The following GUCY2C variants were observed in gnomAD, a reference collection of about 807,000 sequenced individuals.
The protein encoded by GUCY2C is guanylyl cyclase C.
GUCY2C carries 118 observed loss-of-function variants against 131.1 expected under a neutral mutation model. The observed-to-expected ratio is 0.90, with a 90% CI of 0.78 to 1.05. The LOEUF (loss-of-function observed/expected upper bound fraction) is 1.05. Ranked by LOEUF, GUCY2C falls within the 50% of genes least tolerant of loss-of-function variation. The pLI is 0.00. For missense variants in GUCY2C, 1,161 were observed against 1,304.4 expected, an observed-to-expected ratio of 0.89 and a Z score of 1.69; for synonymous variants, 452 against 457.8, an observed-to-expected ratio of 0.99 and a Z score of 0.16.
intron 12 of GUCY2C, 66 bp downstream of exon 12, chr12:14,656,446 C>A (rs533500858): frequency 1.2e-4 from 96 of 774,632 alleles, no homozygotes; most frequent in South Asian, 1.1e-3. Flanking sequence ...TCCTGCAATG[C>A]TACTTAAGTC....
chr12:14,675,246 G>GAA (rs71438324), intron 7 of GUCY2C, among the ~76,000 whole-genome samples: 2 of 102,432 alleles, frequency 2.0e-5, no homozygotes, highest in Non-Finnish European at 4.1e-5. Flanking sequence ...AAGAAAGAAA[G>GAA]AAAGAAAAAA....
At chr12:14,639,750 A>G in intron 19 of GUCY2C, 112 bp downstream of exon 19, 1 of 695,580 alleles carries the variant, frequency 1.4e-6, no homozygotes. Context: ...ACTTGATTTC[A>G]GACTTCTAGT....
intron 23 of GUCY2C, among the ~76,000 whole-genome samples, chr12:14,620,279 G>A (rs113695608): frequency 1.3e-5 from 2 of 152,320 alleles, no homozygotes; most frequent in African/African-American, 4.8e-5. Context: ...AATCGCAGTA[G>A]CTGAGCTTCA....
chr12:14,617,614 T>G (rs993561858), intron 24 of GUCY2C, among the ~76,000 whole-genome samples: 2 of 152,186 alleles, frequency 1.3e-5, no homozygotes, highest in Non-Finnish European at 2.9e-5. Flanking sequence ...ACAAAAGAAG[T>G]GGTGAGGGCA....
intron 21 of GUCY2C, among the ~76,000 whole-genome samples, chr12:14,623,312 T>C (rs1946932065): frequency 6.6e-6 from 1 of 152,144 alleles, no homozygotes; most frequent in African/African-American, 2.4e-5. Flanking sequence ...AGGTGGGCTC[T>C]CCCGGAAAGA....
intron 14 of GUCY2C, 27 bp from the exon 15 acceptor site, chr12:14,651,538 C>T: frequency 8.1e-7 from 1 of 1,234,448 alleles, no homozygotes; most frequent in Non-Finnish European, 1.2e-6. Context: ...GTTTACAAAG[C>T]AAATTAGGCA....
intron 1 of GUCY2C, among the ~76,000 whole-genome samples, chr12:14,691,307 G>T (rs1239391740): frequency 1.3e-5 from 2 of 152,210 alleles, no homozygotes; most frequent in Non-Finnish European, 2.9e-5. Flanking sequence ...GAGAAGTGGG[G>T]AGTGATGGGT....
At position 14,625,895 on chromosome 12, in the gene GUCY2C, T is replaced by A; in HGVS notation, c.2270A>T (p.Asn757Ile). Reference protein sequence around the residue: ...KIFGLFHDQKNESYMDTLIRR... With the variant: ...KIFGLFHDQKIESYMDTLIRR... ...GATCAAGGTATCCATATAGCTTTCA[T>A]TTTTTTGGTCATGAAAAAGTCTGTA... The change falls in exon 21 of 27, where the codon AAT becomes ATT. Residue 757 changes from asparagine (N) to isoleucine (I), a missense_variant. Transcript: ENST00000261170. 6.2e-7 allele frequency: 1 copy of A among 1,610,516 alleles called. No homozygotes were observed. Among genetic ancestry groups the A allele is most frequent in the South Asian group, 1.1e-5 (1 of 90,916 alleles).
intron 21 of GUCY2C, among the ~76,000 whole-genome samples, chr12:14,624,751 C>T (rs961612696): frequency 3.9e-5 from 6 of 152,078 alleles, no homozygotes; most frequent in African/African-American, 1.4e-4. Context: ...TTTGGAAATC[C>T]AATAAAAACA....
chr12:14,674,878 G>A lies in GUCY2C; in HGVS notation c.949-118C>T, dbSNP rs1417074372. ...CTGGAAAGTTAAAGGGATATCAGGG[G>A]AATTGAAGGGATGTTATTAAAGGAG... On this transcript the variant is annotated intron_variant, in intron 7 of 26. Coordinates refer to ENST00000261170, the MANE Select transcript of GUCY2C (RefSeq NM_004963.4). 3 of 728,498 alleles carry A rather than the reference G, an allele frequency of 4.1e-6. No homozygotes were observed. The East Asian group carries it at 7.6e-5, about 19-fold the overall frequency. The allele number at this position is 728,498 out of a possible 1,614,324, so 45.1% of individuals were successfully genotyped here.
chr12:14,650,341 T>C (rs1947621854), intron 15 of GUCY2C, among the ~76,000 whole-genome samples: 1 of 152,080 alleles, frequency 6.6e-6, no homozygotes, highest in South Asian at 2.1e-4. Flanking sequence ...TCTGACTCCC[T>C]GGTTCAAAGG....
chr12:14,692,188 A>G (rs973521765), intron 1 of GUCY2C, among the ~76,000 whole-genome samples: 26 of 151,350 alleles, frequency 1.7e-4, no homozygotes, highest in African/African-American at 6.1e-4. Context: ...ATTTTTTTCT[A>G]CTCTCCTTCT....
At position 14,694,615 on chromosome 12, in the gene GUCY2C, G is replaced by A. The variant is rs187570105; in HGVS notation, c.217+1617C>T. On this transcript the variant is annotated intron_variant, in intron 1 of 26. Transcript: ENST00000261170. ...ACCACACTGCCTCGGTAAATAAGGG[G>A]ACTTCACTAAATAACCTCCTTGTTC... Among the ~76,000 whole-genome samples, 558 of 152,258 alleles carry A rather than the reference G, an allele frequency of 3.7e-3. 2 individuals are homozygous for A. Among genetic ancestry groups the A allele is most frequent in the Non-Finnish European group, 6.6e-3 (446 of 68,012 alleles).
chr12:14,647,825 A>G lies in GUCY2C; in HGVS notation c.1711-2510T>C, dbSNP rs532555444. On this transcript the variant is annotated intron_variant, in intron 15 of 26. Coordinates refer to ENST00000261170, the MANE Select transcript of GUCY2C (RefSeq NM_004963.4). ...TTTGGCTAATATATATGATATATAC[A>G]TTATATATGTAAATTATTTTCTATA... Among the ~76,000 whole-genome samples, 6 of 152,068 alleles carry G rather than the reference A, an allele frequency of 3.9e-5. No homozygotes were observed. In the South Asian group the frequency reaches 1.0e-3, roughly 26 times the overall value.
chr12:14,643,180 C>G (rs905965363), intron 17 of GUCY2C, among the ~76,000 whole-genome samples: 6 of 152,190 alleles, frequency 3.9e-5, no homozygotes, highest in African/African-American at 1.4e-4. Context: ...AATGGGTCTT[C>G]TGGTTTGTAC....
At chr12:14,685,802 C>T (rs1412223344) in intron 3 of GUCY2C, among the ~76,000 whole-genome samples, 1 of 152,158 alleles carries the variant, frequency 6.6e-6, no homozygotes, top group African/African-American at 2.4e-5. Context: ...TGGGGTGTTG[C>T]ACTTTCTTTT....
At chr12:14,679,954 A>T (rs906368909) in intron 5 of GUCY2C, among the ~76,000 whole-genome samples, 2 of 151,852 alleles carry the variant, frequency 1.3e-5, no homozygotes, top group Admixed American at 6.6e-5. Context: ...GATCTTTTTT[A>T]AAAAAATCAT....
chr12:14,674,400 C>A, intron 8 of GUCY2C: 1 of 578,438 alleles, frequency 1.7e-6, no homozygotes, highest in Non-Finnish European at 3.1e-6. Flanking sequence ...GCTACCTGCC[C>A]TTTTCTGTGA....
chr12:14,687,017 G>A (rs1361209780), intron 2 of GUCY2C, among the ~76,000 whole-genome samples: 2 of 152,138 alleles, frequency 1.3e-5, no homozygotes, highest in Non-Finnish European at 2.9e-5. Flanking sequence ...ACATCTGCTT[G>A]TCTCTAGAGA....
Sources: allele counts gnomAD v4.1 joint callset (sites outside exome capture counted in the v4.1 genomes callset), GRCh38; gene constraint gnomAD v4.1.1; transcripts MANE v1.5; gene names NCBI Gene and HGNC (gene_info 2026-07-23, HGNC 2026-07-21).